Variants in TENM3 observed in about 807,000 individuals in gnomAD.
TENM3 encodes the protein teneurin-3.
A neutral mutation model predicts 255.1 loss-of-function variants in TENM3; 63 were observed. That is an observed-to-expected ratio of 0.25 (90% CI 0.20 to 0.30). The LOEUF is 0.30. TENM3 is among the 10% of genes least tolerant of loss of function. TENM3 has a pLI of 1.00. For synonymous variants in TENM3, 1,306 were observed against 1,322.3 expected, an observed-to-expected ratio of 0.99 and a Z score of 0.27; for missense variants, 2,929 against 3,461.1, an observed-to-expected ratio of 0.85 and a Z score of 3.86.
At chr4:182,059,149 A>G in the TENM3 span, among the ~76,000 whole-genome samples, 2 of 152,108 alleles carry the variant, frequency 1.3e-5, no homozygotes, top group African/African-American at 2.4e-5. Context: ...GAAAACTGAG[A>G]ACACAGCTGG....
At chr4:181,657,663 T>C in the TENM3 span, among the ~76,000 whole-genome samples, 1 of 152,006 alleles carries the variant, frequency 6.6e-6, no homozygotes, top group East Asian at 1.9e-4. Flanking sequence ...GAAAACTAAA[T>C]CTTTCCACCA....
chr4:182,266,595 A>G (rs1234207044), intron 1 of TENM3, among the ~76,000 whole-genome samples: 3 of 152,162 alleles, frequency 2.0e-5, no homozygotes, highest in Non-Finnish European at 4.4e-5. Context: ...AAATATATCT[A>G]TAAGGTTTTA....
At chr4:181,884,958 A>G in the TENM3 span, among the ~76,000 whole-genome samples, 1 of 152,194 alleles carries the variant, frequency 6.6e-6, no homozygotes, top group Non-Finnish European at 1.5e-5. Context: ...GTTTTTATGG[A>G]AAACATTTTT....
the TENM3 span, among the ~76,000 whole-genome samples, chr4:181,899,382 G>C: frequency 1.3e-5 from 2 of 151,934 alleles, no homozygotes; most frequent in South Asian, 4.1e-4. Context: ...AAAAATTAAA[G>C]AGTATTTAAG....
chr4:181,824,765 A>T, the TENM3 span, among the ~76,000 whole-genome samples: 1 of 152,210 alleles, frequency 6.6e-6, no homozygotes, highest in Admixed American at 6.5e-5. Flanking sequence ...AAAAAAAATC[A>T]AAATTAAGGA....
At chr4:181,745,174 G>T in the TENM3 span, among the ~76,000 whole-genome samples, 4 of 152,070 alleles carry the variant, frequency 2.6e-5, no homozygotes, top group African/African-American at 9.7e-5. Flanking sequence ...ACCAGAAAAG[G>T]GTGGTTTCCT....
At chr4:182,563,636 C>A (rs546175456) in intron 3 of TENM3, among the ~76,000 whole-genome samples, 51 of 152,212 alleles carry the variant, frequency 3.4e-4, no homozygotes, top group African/African-American at 1.2e-3. Flanking sequence ...GTAGCAGGGG[C>A]AGTTACTATT....
the TENM3 span, among the ~76,000 whole-genome samples, chr4:181,767,647 C>T: frequency 6.6e-6 from 1 of 151,838 alleles, no homozygotes; most frequent in Non-Finnish European, 1.5e-5. Context: ...CTCAGTAGGT[C>T]TAGGAAGGGA....
chr4:181,605,695 T>C, the TENM3 span, among the ~76,000 whole-genome samples: 1 of 152,128 alleles, frequency 6.6e-6, no homozygotes, highest in African/African-American at 2.4e-5. Context: ...AGAGAAAGCA[T>C]ATAATGCAAG....
At chr4:182,385,889 T>A (rs1767885927) in intron 3 of TENM3, among the ~76,000 whole-genome samples, 1 of 152,210 alleles carries the variant, frequency 6.6e-6, no homozygotes, top group Admixed American at 6.5e-5. Context: ...TTATTTTTAA[T>A]GGCATTCTTA....
chr4:181,871,591 A>T, the TENM3 span, among the ~76,000 whole-genome samples: 1 of 152,092 alleles, frequency 6.6e-6, no homozygotes, highest in Non-Finnish European at 1.5e-5. Context: ...TATCCATACA[A>T]TGTTGAATAG....
rs375110680 is a variant in TENM3 at position 182,500,645 on chromosome 4, C to T, written c.512-100279C>T. Among the ~76,000 whole-genome samples, 9 of 137,612 alleles carry T rather than the reference C, an allele frequency of 6.5e-5. No individual in the cohort carries two copies. The South Asian group carries it at 7.1e-4, about 11-fold the overall frequency. The allele number at this position is 137,612 out of a possible 152,430, so 90.3% of individuals were successfully genotyped here. A position where few individuals can be genotyped will look rare whatever the true frequency, so the allele number is the denominator to read the frequency against. Reference sequence around the variant, plus strand: ...GGAATTTAAGTAAATAATTAGAAAACGTGTACACAAACATATTGTAAGAGA... The same window carrying T: ...GGAATTTAAGTAAATAATTAGAAAATGTGTACACAAACATATTGTAAGAGA... On this transcript the variant is annotated intron_variant, in intron 3 of 27. Coordinates refer to ENST00000511685, the MANE Select transcript of TENM3 (RefSeq NM_001080477.4).
chr4:182,354,605 TA>T (rs1014464830), intron 3 of TENM3, among the ~76,000 whole-genome samples: 1 of 152,150 alleles, frequency 6.6e-6, no homozygotes, highest in Non-Finnish European at 1.5e-5. Flanking sequence ...CATACACATA[TA>T]ATTTTATACA....
the TENM3 span, among the ~76,000 whole-genome samples, chr4:181,749,220 G>C: frequency 6.6e-6 from 1 of 151,982 alleles, no homozygotes; most frequent in Admixed American, 6.6e-5. Context: ...GTCCTTTTTG[G>C]CTTTTTTTTT....
the TENM3 span, among the ~76,000 whole-genome samples, chr4:181,752,530 C>A: frequency 6.6e-6 from 1 of 151,462 alleles, no homozygotes; most frequent in South Asian, 2.1e-4. Context: ...CCAGCCTGGG[C>A]GACAGAGCGA....
chr4:182,655,755 T>C (rs17073719), intron 6 of TENM3, among the ~76,000 whole-genome samples: 14,983 of 152,172 alleles, frequency 0.098, 900 homozygotes, highest in East Asian at 0.25. Context: ...CTGGAGTCCT[T>C]GAAAACAGTG....
At chr4:181,811,663 C>T in the TENM3 span, among the ~76,000 whole-genome samples, 15 of 152,336 alleles carry the variant, frequency 9.8e-5, 1 homozygote, top group East Asian at 2.9e-3. Flanking sequence ...TACATGGTGG[C>T]AGCCAAGAGA....
chr4:181,988,711 A>C, the TENM3 span, among the ~76,000 whole-genome samples: 1 of 152,092 alleles, frequency 6.6e-6, no homozygotes, highest in Admixed American at 6.6e-5. Flanking sequence ...ATGTTAAGTA[A>C]TTTGCCCAAG....
chr4:182,389,259 A>G (rs945487741), intron 3 of TENM3, among the ~76,000 whole-genome samples: 2 of 152,264 alleles, frequency 1.3e-5, no homozygotes, highest in African/African-American at 4.8e-5. Context: ...CCCTCCCACC[A>G]GCTGCCCTTT....
Sources: gnomAD v4.1 joint callset for allele counts (sites outside exome capture counted in the v4.1 genomes callset) on GRCh38, gnomAD v4.1.1 for gene constraint, MANE v1.5 for transcripts, NCBI Gene and HGNC (gene_info 2026-07-23, HGNC 2026-07-21) for gene names.